Variants in NAA25 observed in about 807,000 individuals in gnomAD.
NAA25 encodes N-terminal acetyltransferase B complex subunit NAA25.
A neutral mutation model predicts 132.5 loss-of-function variants in NAA25; 30 were observed. The observed-to-expected ratio is 0.23, with a 90% CI of 0.17 to 0.31. The LOEUF is 0.31. Among genes scored for constraint, NAA25 ranks in the 10% least tolerant of loss-of-function variants. The pLI is 1.00. For synonymous variants in NAA25, 359 were observed against 401.9 expected (o/e 0.89, Z 1.28); for missense variants, 771 against 1,150.4 (o/e 0.67, Z 4.77).
intron 3 of NAA25, among the ~76,000 whole-genome samples, chr12:112,088,010 A>G (rs1239930379): frequency 1.3e-5 from 2 of 152,192 alleles, no homozygotes; most frequent in East Asian, 3.8e-4. Context: ...TTTACAACAT[A>G]TAAGACCTTA....
intron 13 of NAA25, among the ~76,000 whole-genome samples, chr12:112,059,981 T>C (rs2078602770): frequency 6.6e-6 from 1 of 152,134 alleles, no homozygotes. Context: ...CTAATTTTTA[T>C]ATTTTTAGTA....
intron 11 of NAA25, 93 bp from the exon 12 acceptor site, chr12:112,061,481 A>T: frequency 1.1e-6 from 1 of 933,808 alleles, no homozygotes; most frequent in Non-Finnish European, 1.6e-6. Flanking sequence ...CTAGAAAAAG[A>T]CATCAAGAAA....
chr12:112,031,962 C>CA (rs1210047723), intron 23 of NAA25, among the ~76,000 whole-genome samples: 1 of 147,548 alleles, frequency 6.8e-6, no homozygotes, highest in Non-Finnish European at 1.5e-5. Flanking sequence ...AACATGTCTG[C>CA]TTTTTTTTTT....
intron 17 of NAA25, 109 bp from the exon 18 acceptor site, chr12:112,043,977 G>A: frequency 2.7e-6 from 3 of 1,111,998 alleles, no homozygotes; most frequent in African/African-American, 1.6e-5. Context: ...GCCCAGGCTG[G>A]AGTGCAGTGG....
At chr12:112,087,237 T>A (rs2079069978) in intron 4 of NAA25, among the ~76,000 whole-genome samples, 1 of 152,042 alleles carries the variant, frequency 6.6e-6, no homozygotes. Flanking sequence ...AAAAGAAACA[T>A]CCCAGGCAAC....
At chr12:112,057,916 G>C (rs974757009) in intron 13 of NAA25, among the ~76,000 whole-genome samples, 1 of 152,316 alleles carries the variant, frequency 6.6e-6, no homozygotes, top group South Asian at 2.1e-4. Context: ...GGGAGGCAGA[G>C]GTTGCAGTGA....
chr12:112,046,637 C>T (rs1365767811), intron 17 of NAA25, among the ~76,000 whole-genome samples: 1 of 152,336 alleles, frequency 6.6e-6, no homozygotes, highest in African/African-American at 2.4e-5. Flanking sequence ...AATCTTGATA[C>T]ATATCACTAC....
At chr12:112,087,009 C>CAAAAAAAA in intron 4 of NAA25, among the ~76,000 whole-genome samples, 1 of 70,554 alleles carries the variant, frequency 1.4e-5, no homozygotes, top group Non-Finnish European at 3.3e-5. Flanking sequence ...ACTCCATCTC[C>CAAAAAAAA]AAAAAAAAAA....
intron 16 of NAA25, 54 bp from the exon 17 acceptor site, chr12:112,047,844 A>G: frequency 2.0e-6 from 3 of 1,516,484 alleles, no homozygotes; most frequent in Non-Finnish European, 2.7e-6. Context: ...GCCAGAAAAT[A>G]TTATTAATCA....
intron 1 of NAA25, among the ~76,000 whole-genome samples, chr12:112,096,026 A>G (rs930953070): frequency 2.6e-5 from 4 of 152,238 alleles, no homozygotes; most frequent in African/African-American, 9.6e-5. Flanking sequence ...ACAAACGTAT[A>G]TGAATCCAAG....
chr12:112,080,933 A>G (rs1301246010), intron 5 of NAA25, 127 bp downstream of exon 5: 6 of 806,214 alleles, frequency 7.4e-6, no homozygotes, highest in South Asian at 7.1e-5. Context: ...GCACCACTGC[A>G]CTCCTGCCTG....
chr12:112,076,322 T>C (rs572199894), intron 7 of NAA25, among the ~76,000 whole-genome samples: 1 of 152,374 alleles, frequency 6.6e-6, no homozygotes, highest in East Asian at 1.9e-4. Flanking sequence ...TCATTTTCTT[T>C]GTAAAAGGAT....
At chr12:112,050,050 A>T (rs1434323970) in intron 15 of NAA25, among the ~76,000 whole-genome samples, 1 of 150,456 alleles carries the variant, frequency 6.6e-6, no homozygotes, top group Non-Finnish European at 1.5e-5. Context: ...CTTTATTTAA[A>T]AAAAAAAAAA....
At chr12:112,053,726 A>T in intron 14 of NAA25, 69 bp from the exon 15 acceptor site, 1 of 1,101,718 alleles carries the variant, frequency 9.1e-7, no homozygotes, top group Non-Finnish European at 1.3e-6. Flanking sequence ...AGTAACAAAT[A>T]TTACGCTTCA....
At chr12:112,080,570 G>A (rs929727021) in intron 5 of NAA25, among the ~76,000 whole-genome samples, 2 of 151,786 alleles carry the variant, frequency 1.3e-5, no homozygotes, top group East Asian at 2.0e-4. Flanking sequence ...ACATGATCTC[G>A]GCTCACTGAA....
At chr12:112,054,681 ATG>A (rs1218851317) in intron 13 of NAA25, 113 bp from the exon 14 acceptor site, 1 of 1,010,468 alleles carries the variant, frequency 9.9e-7, no homozygotes, top group Non-Finnish European at 1.4e-6. Flanking sequence ...ATGAAGTTAA[ATG>A]ACAGAGAACA....
In NAA25 at chr12:112,048,276, C is replaced by T. The variant is rs1258691535; in HGVS notation, c.1880+16G>A. 1 of 1,606,980 alleles carries T rather than the reference C, an allele frequency of 6.2e-7. No homozygotes were observed. Among genetic ancestry groups the T allele is most frequent in the Admixed American group, 1.7e-5 (1 of 59,606 alleles). ...CTAATCCCTTAGTTCCTTTATAGCT[C>T]TCATGCAATACTTACATATTTGCTT... is the stretch of plus-strand genomic sequence containing the variant. On this transcript the variant is annotated intron_variant, in intron 16 of 23. Coordinates refer to ENST00000261745, the MANE Select transcript of NAA25 (RefSeq NM_024953.4).
At position 112,046,948 on chromosome 12, in the gene NAA25, G is replaced by A. The variant is rs114084356; in HGVS notation, c.2006+717C>T. ...TGTTTCCAGATTTGGTATAATACTA[G>A]GAAAGGCTTTCCTCACCTATTTAAA... is the stretch of plus-strand genomic sequence containing the variant. On this transcript the variant is annotated intron_variant, in intron 17 of 23. Coordinates refer to ENST00000261745, the MANE Select transcript of NAA25 (RefSeq NM_024953.4). 1.3e-3 allele frequency among the ~76,000 whole-genome samples: 200 copies of A among 152,150 alleles called. 1 individual carries two copies. The highest frequency in any genetic ancestry group is 4.5e-3 in the African/African-American group (187 of 41,520).
In NAA25 at chr12:112,049,722, T is replaced by C; in HGVS notation, c.1729-1279A>G. 1 of 787,704 alleles carries C rather than the reference T, an allele frequency of 1.3e-6. No individual in the cohort carries two copies. Among genetic ancestry groups the C allele is most frequent in the South Asian group, 5.8e-5 (1 of 17,376 alleles). The allele number at this position is 787,704 out of a possible 1,614,324, so 48.8% of individuals were successfully genotyped here. Reference sequence around the variant, plus strand: ...AGCTCGAGTATACCTTCTAGCTTGATTAAAGGACAGTGATACACCCTATCA... The same window carrying C: ...AGCTCGAGTATACCTTCTAGCTTGACTAAAGGACAGTGATACACCCTATCA... On this transcript the variant is annotated intron_variant, in intron 15 of 23. Transcript: ENST00000261745. This position sits in a 1 kb window ranked among gnomAD's most constrained non-coding sequence, Gnocchi z 4.7.
Sources: gnomAD v4.1 joint callset for allele counts (sites outside exome capture counted in the v4.1 genomes callset) on GRCh38, gnomAD v4.1.1 for gene constraint, Gnocchi (gnomAD v3.1) non-coding constraint, MANE v1.5 for transcripts, NCBI Gene and HGNC (gene_info 2026-07-23, HGNC 2026-07-21) for gene names.